Variants in CERKL observed in about 807,000 individuals in gnomAD.
CERKL encodes the protein ceramide kinase-like protein.
A neutral mutation model predicts 63.4 loss-of-function variants in CERKL; 61 were observed. The observed-to-expected ratio is 0.96, with a 90% CI of 0.78 to 1.19. CERKL has a LOEUF of 1.19. Among genes scored for constraint, CERKL ranks in the 50% most tolerant of loss-of-function variants. CERKL has a pLI of 0.00. For synonymous variants in CERKL, 250 were observed against 230.5 expected (o/e 1.08, Z -0.77); for missense variants, 675 against 655.5 (o/e 1.03, Z -0.33).
At chr2:181,578,278 G>A (rs1454603562) in intron 2 of CERKL, among the ~76,000 whole-genome samples, 1 of 151,840 alleles carries the variant, frequency 6.6e-6, no homozygotes, top group African/African-American at 2.4e-5. Flanking sequence ...GTGTATGTGT[G>A]TAGACAGAGA....
intron 1 of CERKL, among the ~76,000 whole-genome samples, chr2:181,655,978 A>G (rs1292238756): frequency 1.3e-5 from 2 of 152,228 alleles, no homozygotes; most frequent in Admixed American, 1.3e-4. Context: ...TGGTCTTTAT[A>G]AAATATCTGT....
chr2:181,621,190 AC>A (rs1392428907), intron 1 of CERKL, among the ~76,000 whole-genome samples: 8 of 152,228 alleles, frequency 5.3e-5, no homozygotes, highest in African/African-American at 1.9e-4. Context: ...CAAGGAAATT[AC>A]TTATAAAATG....
intron 3 of CERKL, among the ~76,000 whole-genome samples, chr2:181,572,701 G>T (rs1024397786): frequency 1.3e-5 from 2 of 150,710 alleles, no homozygotes; most frequent in Non-Finnish European, 1.5e-5. Flanking sequence ...AATTCCTCTT[G>T]AGTTTTTCAT....
chr2:181,639,294 A>G (rs1463079996), intron 1 of CERKL, among the ~76,000 whole-genome samples: 2 of 152,214 alleles, frequency 1.3e-5, no homozygotes, highest in Non-Finnish European at 2.9e-5. Flanking sequence ...TATAGATGAA[A>G]TAAGACTGGC....
intron 1 of CERKL, among the ~76,000 whole-genome samples, chr2:181,615,547 A>G (rs1286857212): frequency 6.6e-6 from 1 of 152,270 alleles, no homozygotes; most frequent in Non-Finnish European, 1.5e-5. Context: ...CCTGCCTGAT[A>G]GATGGCTCCC....
At chr2:181,641,503 A>G (rs1687442803) in intron 1 of CERKL, among the ~76,000 whole-genome samples, 2 of 151,912 alleles carry the variant, frequency 1.3e-5, no homozygotes, top group African/African-American at 4.8e-5. Context: ...AAATATGTTA[A>G]AGGACTCTGC....
rs919337690 is a variant in CERKL, at chr2:181,550,209, G to A, written c.821-501C>T. On this transcript the variant is annotated intron_variant, in intron 5 of 12. Coordinates refer to ENST00000410087, the MANE Select transcript of CERKL (RefSeq NM_201548.5). The surrounding 1 kb of genome is among the most constrained non-coding windows in gnomAD (Gnocchi z 4.5). ...CACATTTAATGAATCTTAGAGGTAA[G>A]CTCTTAGCCAAATGAGAATCCCCTC... Among the ~76,000 whole-genome samples, 1 of 152,144 alleles carries A rather than the reference G, an allele frequency of 6.6e-6. No individual in the cohort carries two copies. Among genetic ancestry groups the A allele is most frequent in the Admixed American group, 6.6e-5 (1 of 15,262 alleles).
intron 2 of CERKL, among the ~76,000 whole-genome samples, chr2:181,583,480 G>A (rs543324041): frequency 6.6e-6 from 1 of 152,304 alleles, no homozygotes; most frequent in South Asian, 2.1e-4. Flanking sequence ...ATGAATCTCA[G>A]TAAGCCTTTA....
chr2:181,537,282 A>C lies in CERKL; in HGVS notation c.*902T>G, dbSNP rs1687181809. 4 of 453,648 alleles carry C rather than the reference A, an allele frequency of 8.8e-6. No homozygotes were observed. Among genetic ancestry groups the C allele is most frequent in the Admixed American group, 4.7e-5 (2 of 42,528 alleles). 28.1% of individuals were successfully genotyped at this position (453,648 alleles called of 1,614,324 possible). ...CTTTCCTACTCAGAACTACTCAGAA[A>C]CAACTATATATTTCAGGTTATCTGA... is the stretch of plus-strand genomic sequence containing the variant. On this transcript the variant is annotated 3_prime_UTR_variant, in exon 13 of 13. Coordinates refer to ENST00000410087, the MANE Select transcript of CERKL (RefSeq NM_201548.5).
At chr2:181,557,526 T>G (rs1688264435) in intron 5 of CERKL, among the ~76,000 whole-genome samples, 1 of 152,184 alleles carries the variant, frequency 6.6e-6, no homozygotes, top group African/African-American at 2.4e-5. Context: ...AATCAGCTTT[T>G]GAATGATGTT....
At chr2:181,545,700 G>C (rs1351259619) in intron 10 of CERKL, among the ~76,000 whole-genome samples, 1 of 152,072 alleles carries the variant, frequency 6.6e-6, no homozygotes, top group Non-Finnish European at 1.5e-5. Flanking sequence ...CAATACTCCA[G>C]GTGCTCAGTA....
intron 1 of CERKL, 125 bp from the exon 2 acceptor site, chr2:181,604,204 G>A: frequency 1.4e-6 from 1 of 712,212 alleles, no homozygotes; most frequent in Non-Finnish European, 2.3e-6. Flanking sequence ...TAACTAATGG[G>A]TACTGGGCTT....
chr2:181,544,585 A>G (rs1687643781), intron 11 of CERKL, 115 bp downstream of exon 11: 1 of 650,644 alleles, frequency 1.5e-6, no homozygotes, highest in South Asian at 2.0e-5. Context: ...AGATTAATAT[A>G]TTCAGAAGAA....
At chr2:181,606,688 GTTC>G (rs1381632663) in intron 1 of CERKL, among the ~76,000 whole-genome samples, 2 of 152,022 alleles carry the variant, frequency 1.3e-5, no homozygotes, top group East Asian at 1.9e-4. Flanking sequence ...TCAAGTTTCA[GTTC>G]TTCTCCTGGT....
chr2:181,573,094 C>T (rs1339548061), intron 3 of CERKL, among the ~76,000 whole-genome samples: 11 of 152,076 alleles, frequency 7.2e-5, no homozygotes, highest in Admixed American at 7.2e-4. Context: ...ATCGACTCTT[C>T]TACTCAGTTC....
In CERKL at chr2:181,547,653, A is replaced by C. The variant is rs753718511; in HGVS notation, c.1233T>G (p.Cys411Trp). 4 of 1,614,086 alleles carry C rather than the reference A, an allele frequency of 2.5e-6. No individual in the cohort carries two copies. Among genetic ancestry groups the C allele is most frequent in the Non-Finnish European group, 3.4e-6 (4 of 1,179,954 alleles). ...NVSIMAIPCL[C>W]SVAPRGLAPN... ...GTGCCAAGCCTCTAGGTGCCACTGA[A>C]CACAGGCAAGGAATTGCCATAATGC... Residue 411 changes from cysteine to tryptophan, a missense_variant, in exon 10 of 13, where the codon TGT becomes TGG. Cys to Trp is a radical substitution (Grantham distance 215). Coordinates refer to ENST00000410087, the MANE Select transcript of CERKL (RefSeq NM_201548.5).
intron 11 of CERKL, among the ~76,000 whole-genome samples, chr2:181,543,973 G>A (rs1331549386): frequency 7.7e-6 from 1 of 130,314 alleles, no homozygotes; most frequent in Non-Finnish European, 1.6e-5. Flanking sequence ...GACACAGCAA[G>A]GCTCTAACTC....
chr2:181,590,121 C>G (rs888560733), intron 2 of CERKL, among the ~76,000 whole-genome samples: 15 of 151,764 alleles, frequency 9.9e-5, no homozygotes, highest in African/African-American at 3.4e-4. Context: ...TGCACCTGGC[C>G]CATAATGGTT....
chr2:181,571,008 T>C (rs924384738), intron 3 of CERKL, among the ~76,000 whole-genome samples: 1 of 152,116 alleles, frequency 6.6e-6, no homozygotes, highest in African/African-American at 2.4e-5. Context: ...GAATTCGATC[T>C]TACTATGACA....
Sources: allele counts gnomAD v4.1 joint callset (sites outside exome capture counted in the v4.1 genomes callset), GRCh38; gene constraint gnomAD v4.1.1; non-coding constraint Gnocchi (gnomAD v3.1); transcripts MANE v1.5; gene names NCBI Gene and HGNC (gene_info 2026-07-23, HGNC 2026-07-21).